Variants in DYRK1A observed in about 807,000 individuals in gnomAD.
The protein encoded by DYRK1A is dual specificity tyrosine-phosphorylation-regulated kinase 1A.
DYRK1A carries 9 observed loss-of-function variants against 79.7 expected under a neutral mutation model. The observed-to-expected ratio is 0.11, with a 90% CI of 0.07 to 0.20. DYRK1A has a LOEUF of 0.20. Among genes scored for constraint, DYRK1A ranks in the 10% least tolerant of loss-of-function variants. DYRK1A has a pLI of 1.00. For missense variants in DYRK1A, 622 were observed against 956.0 expected, an observed-to-expected ratio of 0.65 and a Z score of 4.61; for synonymous variants, 349 against 329.7, an observed-to-expected ratio of 1.06 and a Z score of -0.63.
At chr21:37,480,146 T>C (rs1160536501) in intron 4 of DYRK1A, among the ~76,000 whole-genome samples, 1 of 152,174 alleles carries the variant, frequency 6.6e-6, no homozygotes, top group Non-Finnish European at 1.5e-5. Flanking sequence ...AAATCAAATA[T>C]AAATAAATTC....
Position 37,472,664 on chromosome 21 carries a change from C to A in DYRK1A, c.11-20C>A. 1 of 1,551,300 alleles carries A rather than the reference C, an allele frequency of 6.4e-7. No individual in the cohort carries two copies. The highest frequency in any genetic ancestry group is 1.4e-5 in the African/African-American group (1 of 73,386). ...TTAGGATATGAATATTTCCTTTAAA[C>A]CTCACTTATCTTCTTGTAGGAGGAG... On this transcript the variant is annotated intron_variant, in intron 2 of 11. Transcript: ENST00000647188.
At chr21:37,486,294 G>A in intron 5 of DYRK1A, 173 bp from the exon 6 acceptor site, 1 of 404,904 alleles carries the variant, frequency 2.5e-6, no homozygotes, top group Non-Finnish European at 4.4e-6. Flanking sequence ...TGTAATAAGT[G>A]GATATATATT....
intron 2 of DYRK1A, among the ~76,000 whole-genome samples, chr21:37,451,122 T>G (rs76111200): frequency 6.6e-6 from 1 of 152,148 alleles, no homozygotes; most frequent in Non-Finnish European, 1.5e-5. Context: ...AAAGAAAACA[T>G]TTTTGTACAG....
intron 1 of DYRK1A, among the ~76,000 whole-genome samples, chr21:37,380,964 T>C (rs1193474532): frequency 6.6e-6 from 1 of 152,238 alleles, no homozygotes; most frequent in Non-Finnish European, 1.5e-5. Context: ...CTATGCGCTC[T>C]TCGTTTTAAA....
chr21:37,512,708 T>G lies in DYRK1A; in HGVS notation c.*177T>G. 1.4e-6 allele frequency: 1 copy of G among 715,648 alleles called. No homozygotes were observed. Among genetic ancestry groups the G allele is most frequent in the Non-Finnish European group, 2.3e-6 (1 of 444,026 alleles). 44.3% of individuals were successfully genotyped at this position (715,648 alleles called of 1,614,324 possible). On this transcript the variant is annotated 3_prime_UTR_variant, in exon 12 of 12. Transcript: ENST00000647188. Reference sequence around the variant, plus strand: ...AGATTGCAAAGGGACATTGAAGTGTTTAAAAGAGCCATGTCCAAACCCATC... The same window carrying G: ...AGATTGCAAAGGGACATTGAAGTGTGTAAAAGAGCCATGTCCAAACCCATC...
intron 1 of DYRK1A, among the ~76,000 whole-genome samples, chr21:37,382,146 T>A (rs991329048): frequency 1.4e-4 from 21 of 152,102 alleles, no homozygotes; most frequent in African/African-American, 5.1e-4. Context: ...TGCTAAGCTC[T>A]TGGGACATAA....
Position 37,411,049 on chromosome 21 carries a change from T to TAA in DYRK1A, c.-76-9225_-76-9224dup, listed in dbSNP as rs35292922. ...GGGCGACAGAGTGAGATTCTGTCTT[T>TAA]AAAAAAAAAAAAAAAAAAAAAAAAA... On this transcript the variant is annotated intron_variant, in intron 1 of 11. Transcript: ENST00000647188. 2.6e-3 allele frequency among the ~76,000 whole-genome samples: 145 copies of TAA among 56,434 alleles called. 8 individuals are homozygous for TAA. The highest frequency in any genetic ancestry group is 3.3e-3 in the Non-Finnish European group (111 of 33,260). The allele number at this position is 56,434 out of a possible 152,430, so 37.0% of individuals were successfully genotyped here. A position where few individuals can be genotyped will look rare whatever the true frequency, so the allele number is the denominator to read the frequency against.
chr21:37,505,317 A>C lies in DYRK1A; in HGVS notation c.1247A>C (p.Asn416Thr), dbSNP rs777063595. Residue 416 changes from asparagine to threonine, a missense_variant, in exon 10 of 12, where the codon AAC (asparagine) becomes ACC (threonine). Asn to Thr is a moderately conservative substitution (Grantham distance 65). This residue lies in a region of DYRK1A where 80 missense variants were observed against 116.5 expected (regional missense o/e 0.69). Coordinates refer to ENST00000647188, the MANE Select transcript of DYRK1A (RefSeq NM_001347721.2). Reference protein sequence around the residue: ...YKPPGTRKLHNILGVETGGPG... With the variant: ...YKPPGTRKLHTILGVETGGPG... ...CCACCAGGAACCCGTAAACTTCATA[A>C]CATTCTTGGAGTGGAAACAGGAGGA... 9.3e-6 allele frequency: 15 copies of C among 1,613,816 alleles called. No homozygotes were observed. The highest frequency in any genetic ancestry group is 1.1e-5 in the Non-Finnish European group (13 of 1,179,852).
At chr21:37,413,803 TAAAA>T (rs1207940538) in intron 1 of DYRK1A, among the ~76,000 whole-genome samples, 3 of 152,120 alleles carry the variant, frequency 2.0e-5, no homozygotes, top group African/African-American at 7.2e-5. Context: ...GTAGGTGACA[TAAAA>T]GAACATCCTT....
chr21:37,420,716 C>CT (rs1217095260), intron 2 of DYRK1A, among the ~76,000 whole-genome samples: 2 of 152,084 alleles, frequency 1.3e-5, no homozygotes, highest in African/African-American at 2.4e-5. Flanking sequence ...CCCCAGAACT[C>CT]TATTAGAATA....
intron 9 of DYRK1A, among the ~76,000 whole-genome samples, chr21:37,499,140 T>C (rs1489590026): frequency 6.6e-6 from 1 of 152,178 alleles, no homozygotes; most frequent in African/African-American, 2.4e-5. Flanking sequence ...TTGTCAACTT[T>C]TTTTGTTTGG....
chr21:37,457,505 G>A (rs1381082154), intron 2 of DYRK1A, among the ~76,000 whole-genome samples: 1 of 152,180 alleles, frequency 6.6e-6, no homozygotes, highest in African/African-American at 2.4e-5. Context: ...CCAAAGTGCT[G>A]GGATTACAGG....
intron 1 of DYRK1A, among the ~76,000 whole-genome samples, chr21:37,400,128 T>TG (rs1189320909): frequency 6.6e-6 from 1 of 152,148 alleles, no homozygotes; most frequent in South Asian, 2.1e-4. Context: ...CTTCTTGACT[T>TG]GTGGATGCCA....
chr21:37,378,677 C>T (rs949048626), intron 1 of DYRK1A, among the ~76,000 whole-genome samples: 3 of 152,156 alleles, frequency 2.0e-5, no homozygotes, highest in African/African-American at 7.2e-5. Context: ...TGCATGTCCT[C>T]TGTATGAGAT....
chr21:37,413,812 A>G (rs1309276071), intron 1 of DYRK1A, among the ~76,000 whole-genome samples: 1 of 152,168 alleles, frequency 6.6e-6, no homozygotes, highest in South Asian at 2.1e-4. Flanking sequence ...ATAAAAGAAC[A>G]TCCTTAAGCA....
At chr21:37,484,512 A>G (rs2052781308) in intron 5 of DYRK1A, among the ~76,000 whole-genome samples, 1 of 151,968 alleles carries the variant, frequency 6.6e-6, no homozygotes, top group South Asian at 2.1e-4. Flanking sequence ...TATTTTTAGT[A>G]GAGATGGGAT....
chr21:37,369,025 C>T (rs535979338), intron 1 of DYRK1A, among the ~76,000 whole-genome samples: 4 of 151,858 alleles, frequency 2.6e-5, no homozygotes, highest in Non-Finnish European at 5.9e-5. Flanking sequence ...AAAGATATTC[C>T]TTGATGTGTT....
At chr21:37,504,971 T>TG (rs1056199784) in intron 9 of DYRK1A, 2 of 253,666 alleles carry the variant, frequency 7.9e-6, no homozygotes, top group African/African-American at 4.5e-5. Context: ...TTGCTTGTTT[T>TG]TACAACCTTT....
At chr21:37,388,446 G>A (rs916148419) in intron 1 of DYRK1A, among the ~76,000 whole-genome samples, 2 of 152,102 alleles carry the variant, frequency 1.3e-5, no homozygotes, top group African/African-American at 4.8e-5. Flanking sequence ...AAATTTTAAT[G>A]TGTATCTGTA....
Sources: allele counts gnomAD v4.1 joint callset (sites outside exome capture counted in the v4.1 genomes callset), GRCh38; gene constraint gnomAD v4.1.1; regional missense constraint gnomAD v4.1.1; transcripts MANE v1.5; gene names NCBI Gene and HGNC (gene_info 2026-07-23, HGNC 2026-07-21).